DPH5: variants seen among roughly 807,000 people sequenced by gnomAD.
DPH5 encodes diphthamide biosynthesis 5.
DPH5 carries 31 observed loss-of-function variants against 31.6 expected under a neutral mutation model. The ratio of observed to expected loss-of-function variants is 0.98; its 90% confidence interval spans 0.74 to 1.32. DPH5 has a LOEUF of 1.32. Ranked by LOEUF, DPH5 falls within the 40% of genes most tolerant of loss-of-function variation. DPH5 has a pLI of 0.00. For missense variants in DPH5, 309 were observed against 335.7 expected (o/e 0.92, Z 0.62); for synonymous variants, 120 against 115.0 (o/e 1.04, Z -0.28).
At chr1:101,000,413 C>T (rs1658767058) in intron 5 of DPH5, among the ~76,000 whole-genome samples, 2 of 152,298 alleles carry the variant, frequency 1.3e-5, no homozygotes, top group South Asian at 4.1e-4. Context: ...TTTATAGTAA[C>T]TTGACACTGA....
chr1:100,998,164 T>G (rs1051975570), intron 5 of DPH5, among the ~76,000 whole-genome samples: 5 of 152,136 alleles, frequency 3.3e-5, no homozygotes, highest in African/African-American at 1.2e-4. Context: ...AAAGAAAATG[T>G]GTTAGAGAAG....
At chr1:101,021,547 C>A in intron 3 of DPH5, 94 bp downstream of exon 3, 1 of 1,283,990 alleles carries the variant, frequency 7.8e-7, no homozygotes, top group African/African-American at 1.5e-5. Flanking sequence ...TTATCAGGAC[C>A]TGGCAGGTAA....
intron 5 of DPH5, among the ~76,000 whole-genome samples, chr1:100,997,924 G>GA (rs1420523999): frequency 6.6e-6 from 1 of 152,012 alleles, no homozygotes; most frequent in Non-Finnish European, 1.5e-5. Flanking sequence ...CTAACTTTGG[G>GA]ATAACAAGAT....
Position 101,001,531 on chromosome 1 carries a change from T to C in DPH5, c.426A>G (p.Pro142=). ...TCTTCACTTTGTCAAAGAAGCTTTC[T>C]GGTCTCCAAGTGTCTGTCCAAAAAA... ...SIVFWTDTWR[P]ESFFDKVKKN... is the part of the protein sequence containing the mutation. Residue 142 remains proline (P), a synonymous_variant, in exon 5 of 8, where the codon CCA becomes CCG. Coordinates refer to ENST00000370109, the MANE Select transcript of DPH5 (RefSeq NM_015958.3). The C allele has an allele frequency of 6.2e-7, 1 of 1,612,202 alleles. No homozygotes were observed. The highest frequency in any genetic ancestry group is 2.2e-5 in the East Asian group (1 of 44,838).
chr1:101,016,423 T>C (rs1346149593), intron 3 of DPH5, among the ~76,000 whole-genome samples: 1 of 151,750 alleles, frequency 6.6e-6, no homozygotes, highest in African/African-American at 2.4e-5. Context: ...TTCCAGCTTA[T>C]CTTGGCTTTC....
chr1:101,025,264 T>G (rs766516181), intron 2 of DPH5, 45 bp downstream of exon 2: 1 of 1,607,280 alleles, frequency 6.2e-7, no homozygotes, highest in Non-Finnish European at 8.5e-7. Context: ...AATCAGATGT[T>G]AGATAGCTTT....
intron 7 of DPH5, 47 bp downstream of exon 7, chr1:100,992,590 G>A (rs757680986): frequency 4.4e-5 from 60 of 1,355,206 alleles, no homozygotes; most frequent in Admixed American, 3.5e-4. Context: ...ACATCTAAAT[G>A]TAGTAACAGA....
chr1:101,021,815 C>A (rs1660468098), intron 2 of DPH5, 50 bp from the exon 3 acceptor site: 3 of 1,333,880 alleles, frequency 2.2e-6, no homozygotes, highest in Non-Finnish European at 2.1e-6. Context: ...GGTGACCATT[C>A]TAACACACAC....
At chr1:100,992,803 G>A in intron 6 of DPH5, 63 bp from the exon 7 acceptor site, 1 of 1,130,404 alleles carries the variant, frequency 8.8e-7, no homozygotes, top group Non-Finnish European at 1.3e-6. Flanking sequence ...TGTTATTAAT[G>A]CAATTAGCTC....
chr1:101,012,365 G>A (rs868367224), intron 4 of DPH5, among the ~76,000 whole-genome samples: 1 of 152,110 alleles, frequency 6.6e-6, no homozygotes, highest in African/African-American at 2.4e-5. Context: ...ATGAGGAAGG[G>A]GCTTTACTGG....
chr1:101,017,345 T>C (rs1290383043), intron 3 of DPH5, among the ~76,000 whole-genome samples: 1 of 151,910 alleles, frequency 6.6e-6, no homozygotes, highest in Non-Finnish European at 1.5e-5. Flanking sequence ...CCAGCAGTCA[T>C]TTTAACTGTT....
rs1188214119 is a variant in DPH5 at position 100,992,711 on chromosome 1, T to C, written c.560A>G (p.Tyr187Cys). Residue 187 changes from tyrosine (Y) to cysteine (C), a missense_variant, in exon 7 of 8, where the codon TAT (tyrosine) becomes TGT (cysteine). Physicochemically the swap from Tyr to Cys is radical, Grantham distance 194. Transcript: ENST00000370109. ...KGRKIYEPPR[Y>C]MSVNQAAQQL... Reference sequence around the variant, plus strand: ...CTGGGCTGCTTGGTTTACACTCATATACCGTGGAGGTTCATAGATCTTCCT... The same window carrying C: ...CTGGGCTGCTTGGTTTACACTCATACACCGTGGAGGTTCATAGATCTTCCT... The C allele has an allele frequency of 1.1e-5, 18 of 1,613,786 alleles. No homozygotes were observed. In the African/African-American group the frequency reaches 2.1e-4, roughly 19 times the overall value.
chr1:101,010,166 G>T (rs1401121514), intron 4 of DPH5, among the ~76,000 whole-genome samples: 1 of 152,168 alleles, frequency 6.6e-6, no homozygotes, highest in Non-Finnish European at 1.5e-5. Context: ...TGTATCCAAA[G>T]GCACTTAGAA....
At chr1:101,013,877 C>T in intron 3 of DPH5, 59 bp from the exon 4 acceptor site, 1 of 1,322,214 alleles carries the variant, frequency 7.6e-7, no homozygotes, top group Non-Finnish European at 1.1e-6. Context: ...GACAGTAAAG[C>T]TATATTTCCT....
chr1:100,994,196 T>C (rs1365317651), intron 6 of DPH5, among the ~76,000 whole-genome samples: 1 of 152,234 alleles, frequency 6.6e-6, no homozygotes, highest in Non-Finnish European at 1.5e-5. Flanking sequence ...TAAATTTTCA[T>C]TGGAAATAGT....
chr1:101,018,436 G>C (rs567679688), intron 3 of DPH5, among the ~76,000 whole-genome samples: 1 of 151,934 alleles, frequency 6.6e-6, no homozygotes, highest in East Asian at 1.9e-4. Context: ...ATGGGGTTTC[G>C]CCACATTGCC....
intron 5 of DPH5, among the ~76,000 whole-genome samples, chr1:100,997,671 G>C (rs1176751599): frequency 6.6e-6 from 1 of 151,950 alleles, no homozygotes; most frequent in Non-Finnish European, 1.5e-5. Flanking sequence ...GGCCTTTCCT[G>C]TCATTTTTAA....
At chr1:101,023,494 G>GT (rs1190433411) in intron 2 of DPH5, among the ~76,000 whole-genome samples, 1 of 152,208 alleles carries the variant, frequency 6.6e-6, no homozygotes, top group Non-Finnish European at 1.5e-5. Context: ...TTTACTGTAG[G>GT]TAAGGCTGGG....
At chr1:101,020,675 C>T (rs1660378751) in intron 3 of DPH5, among the ~76,000 whole-genome samples, 1 of 151,990 alleles carries the variant, frequency 6.6e-6, no homozygotes, top group Admixed American at 6.6e-5. Context: ...CTTGTTTCTC[C>T]AAATCCTGTT....
Sources: gnomAD v4.1 joint callset for allele counts (sites outside exome capture counted in the v4.1 genomes callset) on GRCh38, gnomAD v4.1.1 for gene constraint, MANE v1.5 for transcripts, NCBI Gene and HGNC (gene_info 2026-07-23, HGNC 2026-07-21) for gene names.